Variants in TTC6 observed in about 807,000 individuals in gnomAD.
TTC6 encodes tetratricopeptide repeat protein 6.
In TTC6, 172 loss-of-function variants were observed where a neutral mutation model predicts 210.4. The observed-to-expected ratio is 0.82, with a 90% CI of 0.72 to 0.93. The LOEUF is 0.93. TTC6 is among the 40% of genes least tolerant of loss of function. The probability of loss-of-function intolerance (pLI) is 0.00; values close to 1 mark genes in which losing one functional copy is unlikely to be tolerated. For synonymous variants in TTC6, 804 were observed against 819.6 expected (o/e 0.98, Z 0.32); for missense variants, 2,414 against 2,318.1 (o/e 1.04, Z -0.85).
chr14:37,795,457 T>C (rs2096090487), intron 18 of TTC6, 105 bp downstream of exon 20: 2 of 635,852 alleles, frequency 3.1e-6, no homozygotes, highest in African/African-American at 3.8e-5. Context: ...CCATTTTACA[T>C]TTAATCTCCC....
rs954218128 is a variant in TTC6, at chr14:37,805,816, T to C, written c.4165-545T>C. Among the ~76,000 whole-genome samples, 5 of 152,310 alleles carry C rather than the reference T, an allele frequency of 3.3e-5. No homozygotes were observed. The South Asian group carries it at 1.0e-3, about 32-fold the overall frequency. On this transcript the variant is annotated intron_variant, in intron 21 of 30. Transcript: ENST00000553443. The stretch of plus-strand genomic sequence containing the variant: ...CCCAGTTTCAAGCGATTCTCCTGCC[T>C]CAGCCTCCCGAGTAGCTGGGATTAC...
At chr14:37,806,862 T>C (rs1358765785) in intron 22 of TTC6, among the ~76,000 whole-genome samples, 4 of 152,208 alleles carry the variant, frequency 2.6e-5, no homozygotes, top group Admixed American at 1.3e-4. Context: ...CAAAATTCAG[T>C]AGGTGAAGCT....
chr14:37,827,352 A>C, exon 29 of TTC6: 1 of 1,612,276 alleles, frequency 6.2e-7, no homozygotes. Context: ...CTTTCACCAC[A>C]GGCAGTTTTC....
intron 7 of TTC6, among the ~76,000 whole-genome samples, chr14:37,732,170 ATTCTT>A (rs2095888134): frequency 2.7e-5 from 3 of 112,054 alleles, no homozygotes; most frequent in Non-Finnish European, 5.3e-5. Flanking sequence ...TATGTACTGT[ATTCTT>A]TTTTTTTTTT....
At chr14:37,642,378 A>T (rs1263228637) in intron 1 of TTC6, among the ~76,000 whole-genome samples, 1 of 152,290 alleles carries the variant, frequency 6.6e-6, no homozygotes, top group East Asian at 1.9e-4. Flanking sequence ...TGGTGGTGAC[A>T]TTTGCAATTG....
chr14:37,811,260 C>T (rs1325470562), intron 24 of TTC6, among the ~76,000 whole-genome samples: 1 of 152,146 alleles, frequency 6.6e-6, no homozygotes, highest in Non-Finnish European at 1.5e-5. Context: ...AAATGTTAGA[C>T]AATTTGTGGC....
At chr14:37,801,049 T>G (rs1338133689) in intron 20 of TTC6, among the ~76,000 whole-genome samples, 2 of 152,186 alleles carry the variant, frequency 1.3e-5, no homozygotes, top group Non-Finnish European at 2.9e-5. Flanking sequence ...CAAATGTATT[T>G]CAGAACTGCC....
At chr14:37,676,107 A>G (rs138408887) in intron 1 of TTC6, among the ~76,000 whole-genome samples, 3 of 152,188 alleles carry the variant, frequency 2.0e-5, no homozygotes, top group Non-Finnish European at 4.4e-5. Context: ...TGGTGATATT[A>G]ATGACGGTGA....
chr14:37,758,679 A>C lies in TTC6; in HGVS notation c.3266+5444A>C, dbSNP rs559220491. On this transcript the variant is annotated intron_variant, in intron 14 of 30. Coordinates refer to ENST00000553443, the Ensembl canonical transcript of TTC6. ...ATCTTTTAATTTGGGCATTTAGTCC[A>C]TTTACATTTAAGGTTAATATTGTGT... 4.6e-5 allele frequency among the ~76,000 whole-genome samples: 7 copies of C among 152,248 alleles called. No homozygotes were observed. In the South Asian group the frequency reaches 1.5e-3, roughly 32 times the overall value.
At chr14:37,761,532 T>A (rs999010869) in intron 14 of TTC6, among the ~76,000 whole-genome samples, 52 of 152,042 alleles carry the variant, frequency 3.4e-4, no homozygotes, top group African/African-American at 1.2e-3. Context: ...TACAGCATAA[T>A]GACTTATCAT....
At chr14:37,811,180 G>A (rs141116617) in intron 24 of TTC6, among the ~76,000 whole-genome samples, 1 of 152,168 alleles carries the variant, frequency 6.6e-6, no homozygotes, top group East Asian at 1.9e-4. Flanking sequence ...CTCCTGTATT[G>A]CAGATTCAGC....
chr14:37,667,905 A>G lies in TTC6; in HGVS notation c.940-12246A>G, dbSNP rs750360038. Among the ~76,000 whole-genome samples the G allele has an allele frequency of 8.6e-4, 130 of 150,626 alleles. 11 individuals carry two copies. The highest frequency in any genetic ancestry group is 6.0e-4 in the Admixed American group (9 of 15,124). ...GTAATCCCAGCACTTTGGGAGGCTG[A>G]GCGGGTGGATCATGAGGTCAGGAGT... is the stretch of plus-strand genomic sequence containing the variant. On this transcript the variant is annotated intron_variant, in intron 1 of 30. Transcript: ENST00000553443.
intron 6 of TTC6, among the ~76,000 whole-genome samples, chr14:37,724,325 G>T (rs1041563437): frequency 6.6e-6 from 1 of 151,096 alleles, no homozygotes; most frequent in Non-Finnish European, 1.5e-5. Context: ...TACATTTTTT[G>T]TGTTTTCTGG....
upstream of TTC6, among the ~76,000 whole-genome samples, chr14:37,617,724 TG>T (rs1235372564): frequency 1.3e-5 from 2 of 152,238 alleles, no homozygotes; most frequent in Non-Finnish European, 2.9e-5. Context: ...AGAATATTTT[TG>T]TTTTCCTTGC....
intron 3 of TTC6, among the ~76,000 whole-genome samples, chr14:37,683,185 G>C (rs1036520374): frequency 6.6e-6 from 1 of 152,084 alleles, no homozygotes; most frequent in Non-Finnish European, 1.5e-5. Flanking sequence ...GCAACTCTGG[G>C]GAGAGGAAAC....
chr14:37,785,175 C>G (rs989402663), intron 14 of TTC6, among the ~76,000 whole-genome samples: 1 of 152,136 alleles, frequency 6.6e-6, no homozygotes, highest in African/African-American at 2.4e-5. Context: ...GCCTGCCTTG[C>G]TAGGTTGGGG....
intron 15 of TTC6, among the ~76,000 whole-genome samples, chr14:37,788,450 C>G (rs1173268473): frequency 6.6e-6 from 1 of 152,100 alleles, no homozygotes; most frequent in African/African-American, 2.4e-5. Context: ...GTGATAGTTA[C>G]TTGATTGTCT....
chr14:37,698,245 A>G (rs2044392030), intron 4 of TTC6, among the ~76,000 whole-genome samples: 1 of 152,088 alleles, frequency 6.6e-6, no homozygotes, highest in South Asian at 2.1e-4. Flanking sequence ...CTAGCCCTCA[A>G]ATTAAATTGT....
In TTC6 at chr14:37,724,877, C is replaced by G. The variant is rs763327090; in HGVS notation, c.1714-21C>G. 29 of 1,400,368 alleles carry G rather than the reference C, an allele frequency of 2.1e-5. 1 individual carries two copies. Among genetic ancestry groups the G allele is most frequent in the South Asian group, 2.0e-4 (15 of 73,686 alleles). The allele number at this position is 1,400,368 out of a possible 1,614,324, so 86.7% of individuals were successfully genotyped here. ...GGCCATTTCTTACCATTTCTAATAA[C>G]CTTTTATGTTATTTTCAAAGATGTA... On this transcript the variant is annotated intron_variant, in intron 6 of 30. Coordinates refer to ENST00000553443, the Ensembl canonical transcript of TTC6.
Sources: gnomAD v4.1 joint callset for allele counts (sites outside exome capture counted in the v4.1 genomes callset) on GRCh38, gnomAD v4.1.1 for gene constraint, MANE v1.5 for transcripts, NCBI Gene and HGNC (gene_info 2026-07-23, HGNC 2026-07-21) for gene names.